ST3GAL3: variants seen among roughly 807,000 people sequenced by gnomAD.
ST3GAL3 encodes ST3 beta-galactoside alpha-2,3-sialyltransferase 3.
Under a neutral mutation model 50.1 loss-of-function variants are expected in ST3GAL3, and 21 were observed. The ratio of observed to expected loss-of-function variants is 0.42; its 90% CI spans 0.30 to 0.60. The LOEUF (loss-of-function observed/expected upper bound fraction) is 0.60. Ranked by LOEUF, ST3GAL3 falls within the 20% of genes least tolerant of loss-of-function variation. ST3GAL3 has a pLI of 0.19. For synonymous variants in ST3GAL3, 183 were observed against 190.0 expected, an observed-to-expected ratio of 0.96 and a Z score of 0.30; for missense variants, 353 against 489.4, an observed-to-expected ratio of 0.72 and a Z score of 2.63.
intron 5 of ST3GAL3, among the ~76,000 whole-genome samples, chr1:43,862,862 G>T (rs918947407): frequency 6.6e-6 from 1 of 152,108 alleles, no homozygotes; most frequent in African/African-American, 2.4e-5. Flanking sequence ...GCTACAATGA[G>T]CTGTGATCAT....
chr1:43,784,653 A>C (rs2057054054), intron 2 of ST3GAL3, among the ~76,000 whole-genome samples: 1 of 152,230 alleles, frequency 6.6e-6, no homozygotes, highest in Admixed American at 6.5e-5. Context: ...CTTTTCATAC[A>C]GTCTCTCGAG....
intron 2 of ST3GAL3, among the ~76,000 whole-genome samples, chr1:43,745,029 A>T (rs1683017421): frequency 6.6e-6 from 1 of 151,902 alleles, no homozygotes; most frequent in African/African-American, 2.4e-5. Flanking sequence ...AAAGAAAAAT[A>T]GGCTCATGCC....
intron 2 of ST3GAL3, among the ~76,000 whole-genome samples, chr1:43,776,287 A>G (rs1417559878): frequency 1.3e-5 from 2 of 152,212 alleles, no homozygotes; most frequent in Non-Finnish European, 2.9e-5. Flanking sequence ...TGTCCTGGAC[A>G]TTCCATATAA....
At chr1:43,715,289 C>T (rs1324283586) in intron 1 of ST3GAL3, among the ~76,000 whole-genome samples, 1 of 152,016 alleles carries the variant, frequency 6.6e-6, no homozygotes, top group East Asian at 1.9e-4. Context: ...AAAAAATGTT[C>T]ATGGCTGTGC....
At chr1:43,918,202 G>T (rs1349886556) in intron 9 of ST3GAL3, among the ~76,000 whole-genome samples, 3 of 142,072 alleles carry the variant, frequency 2.1e-5, no homozygotes, top group Non-Finnish European at 4.5e-5. Flanking sequence ...CACTGTAGCT[G>T]CCGCCTCCAG....
At chr1:43,765,505 G>A (rs1462333463) in intron 2 of ST3GAL3, among the ~76,000 whole-genome samples, 9 of 152,052 alleles carry the variant, frequency 5.9e-5, no homozygotes, top group Non-Finnish European at 1.2e-4. Flanking sequence ...ATCACTATTG[G>A]TGAATCAAAG....
chr1:43,850,505 C>T (rs560693046), intron 5 of ST3GAL3: 95 of 640,598 alleles, frequency 1.5e-4, no homozygotes, highest in Middle Eastern at 8.3e-4. Context: ...AGCCTTTTTC[C>T]AAAAGTCCAA....
chr1:43,733,107 G>A (rs890189169), intron 1 of ST3GAL3, among the ~76,000 whole-genome samples: 7 of 151,440 alleles, frequency 4.6e-5, no homozygotes, highest in East Asian at 1.9e-4. Flanking sequence ...CAATCTTCCC[G>A]CCTCAGCCTC....
chr1:43,757,147 C>T (rs907591028), intron 2 of ST3GAL3, among the ~76,000 whole-genome samples: 7 of 152,176 alleles, frequency 4.6e-5, no homozygotes, highest in South Asian at 2.1e-4. Flanking sequence ...TCAAGTAATC[C>T]GCCTACCTCA....
At position 43,894,452 on chromosome 1, in the gene ST3GAL3, G is replaced by A. The variant is rs1336391315; in HGVS notation, c.372G>A (p.Val124=). Residue 124 remains valine (V), a synonymous_variant, in exon 6 of 12, where the codon GTG becomes GTA. Transcript: ENST00000347631. ...AGTGGGCTAGAATCCGGGAGTTCGT[G>A]CCGCCTTTTGGGATCAAAGGTCAAG... is the stretch of plus-strand genomic sequence containing the variant. ...FRKWARIREF[V]PPFGIKGQDN... 6.2e-7 allele frequency: 1 copy of A among 1,614,134 alleles called. No individual in the cohort carries two copies. The highest frequency in any genetic ancestry group is 1.1e-5 in the South Asian group (1 of 91,080).
chr1:43,908,096 T>G (rs545558184), intron 9 of ST3GAL3, among the ~76,000 whole-genome samples: 1 of 152,310 alleles, frequency 6.6e-6, no homozygotes, highest in South Asian at 2.1e-4. Context: ...GGATAGCCCC[T>G]GATTCTTAAA....
chr1:43,709,315 A>G (rs1375606641), intron 1 of ST3GAL3: 2 of 152,238 alleles, frequency 1.3e-5, no homozygotes, highest in Non-Finnish European at 2.9e-5. Context: ...AACAAGTAAT[A>G]GAATTTACTT....
At chr1:43,816,114 G>T (rs1385034400) in intron 4 of ST3GAL3, among the ~76,000 whole-genome samples, 1 of 152,170 alleles carries the variant, frequency 6.6e-6, no homozygotes, top group African/African-American at 2.4e-5. Flanking sequence ...TTGTGCACCT[G>T]TGTCCCCTGC....
intron 3 of ST3GAL3, among the ~76,000 whole-genome samples, chr1:43,802,071 T>G (rs901308674): frequency 1.3e-5 from 2 of 152,088 alleles, no homozygotes; most frequent in African/African-American, 4.8e-5. Context: ...ATTAAGAAAT[T>G]TATTAAATAT....
intron 5 of ST3GAL3, among the ~76,000 whole-genome samples, chr1:43,875,938 CTTCTTCTTCTTCTTATTATTA>C (rs1490761091): frequency 0.022 from 1,018 of 45,738 alleles, 10 homozygotes; most frequent in East Asian, 0.037. Flanking sequence ...TCTTCTTCTT[CTTCTTCTTCTTCTTATTATTA>C]TTATTATTAT....
intron 5 of ST3GAL3, among the ~76,000 whole-genome samples, chr1:43,884,895 T>G (rs998548725): frequency 1.3e-5 from 2 of 152,198 alleles, no homozygotes; most frequent in Non-Finnish European, 2.9e-5. Flanking sequence ...TGGTAGGAAC[T>G]AGGAGAAGAC....
chr1:43,798,216 A>C (rs918472478), intron 3 of ST3GAL3, among the ~76,000 whole-genome samples: 2 of 152,022 alleles, frequency 1.3e-5, no homozygotes, highest in African/African-American at 4.8e-5. Flanking sequence ...CCACTGCCCA[A>C]GGTACCATCT....
Position 43,899,094 on chromosome 1 carries a change from A to C in ST3GAL3, c.462-74A>C. On this transcript the variant is annotated intron_variant, in intron 7 of 11. Transcript: ENST00000347631. This position sits in a 1 kb window ranked among gnomAD's most constrained non-coding sequence, Gnocchi z 5.4. ...TGGTCCTGGACAAGGGCGTGGGGTC[A>C]AGGGCCAAAGGAGCAGGGAAAGAGA... 3.7e-6 allele frequency: 6 copies of C among 1,606,618 alleles called. No homozygotes were observed. Among genetic ancestry groups the C allele is most frequent in the Non-Finnish European group, 4.2e-6 (5 of 1,176,676 alleles).
intron 1 of ST3GAL3, among the ~76,000 whole-genome samples, chr1:43,712,554 G>A (rs1041631245): frequency 3.3e-5 from 5 of 152,178 alleles, no homozygotes; most frequent in African/African-American, 1.2e-4. Flanking sequence ...AGCAAGTAAA[G>A]AATACATTAT....
Sources: allele counts gnomAD v4.1 joint callset (sites outside exome capture counted in the v4.1 genomes callset), GRCh38; gene constraint gnomAD v4.1.1; non-coding constraint Gnocchi (gnomAD v3.1); transcripts MANE v1.5; gene names NCBI Gene and HGNC (gene_info 2026-07-23, HGNC 2026-07-21).